The following GABRG2 variants were observed in gnomAD, a reference collection of about 807,000 sequenced individuals.
GABRG2 encodes the protein gamma-aminobutyric acid type A receptor subunit gamma2.
In GABRG2, 16 loss-of-function variants were observed where a neutral mutation model predicts 56.4. The ratio of observed to expected loss-of-function variants is 0.28; its 90% confidence interval spans 0.19 to 0.43. The LOEUF (loss-of-function observed/expected upper bound fraction) is 0.43, where lower values mean the gene tolerates loss of function less well. Ranked by LOEUF, GABRG2 falls within the 20% of genes least tolerant of loss-of-function variation. The probability of loss-of-function intolerance (pLI) is 1.00; values close to 1 mark genes in which losing one functional copy is unlikely to be tolerated. For synonymous variants in GABRG2, 208 were observed against 205.5 expected, an observed-to-expected ratio of 1.01 and a Z score of -0.10; for missense variants, 327 against 582.7, an observed-to-expected ratio of 0.56 and a Z score of 4.52.
At chr5:162,123,145 A>G (rs1051884057) in intron 6 of GABRG2, among the ~76,000 whole-genome samples, 10 of 151,792 alleles carry the variant, frequency 6.6e-5, no homozygotes, top group African/African-American at 2.2e-4. Flanking sequence ...TTAATATTCT[A>G]TAAAGAGTTA....
At chr5:162,127,069 C>T (rs914297465) in intron 6 of GABRG2, among the ~76,000 whole-genome samples, 1 of 151,876 alleles carries the variant, frequency 6.6e-6, no homozygotes, top group Non-Finnish European at 1.5e-5. Context: ...TCAACCGTGG[C>T]ACTCTTAAGG....
intron 1 of GABRG2, among the ~76,000 whole-genome samples, chr5:162,090,330 CA>C (rs1209900337): frequency 2.9e-5 from 3 of 102,588 alleles, no homozygotes; most frequent in African/African-American, 1.1e-4. Flanking sequence ...ACATACCATA[CA>C]CATACACATA....
At chr5:162,097,935 A>G (rs997921984) in intron 4 of GABRG2, 77 bp downstream of exon 4, 1 of 1,268,172 alleles carries the variant, frequency 7.9e-7, no homozygotes, top group African/African-American at 1.5e-5. Flanking sequence ...TAAGTCTCTA[A>G]AAGAAAAAAA....
chr5:162,101,114 C>T, intron 4 of GABRG2, 121 bp from the exon 5 acceptor site: 1 of 743,698 alleles, frequency 1.3e-6, no homozygotes, highest in Non-Finnish European at 2.3e-6. Flanking sequence ...TTGGGGATCA[C>T]TCTGTGTTTT....
At chr5:162,152,394 A>G (rs760550890) in intron 9 of GABRG2, 3 of 431,636 alleles carry the variant, frequency 7.0e-6, no homozygotes, top group African/African-American at 4.2e-5. Flanking sequence ...CATTAAATAT[A>G]TCATTTAGTT....
At chr5:162,084,923 C>A (rs758244034) in intron 1 of GABRG2, among the ~76,000 whole-genome samples, 4 of 151,556 alleles carry the variant, frequency 2.6e-5, no homozygotes, top group Non-Finnish European at 5.9e-5. Context: ...TCATTATAGT[C>A]CAATAACAAG....
intron 6 of GABRG2, among the ~76,000 whole-genome samples, chr5:162,123,791 T>G (rs1216655113): frequency 6.6e-6 from 1 of 151,872 alleles, no homozygotes; most frequent in African/African-American, 2.4e-5. Context: ...GGTCACATAG[T>G]GTGTAGCAAA....
intron 6 of GABRG2, 35 bp downstream of exon 6, chr5:162,104,061 T>A (rs908900996): frequency 2.5e-6 from 4 of 1,611,992 alleles, no homozygotes; most frequent in Non-Finnish European, 3.4e-6. Flanking sequence ...CAAGTGACCC[T>A]TCCAGAGTTG....
chr5:162,093,592 C>A (rs1167770908), intron 1 of GABRG2, among the ~76,000 whole-genome samples: 1 of 152,100 alleles, frequency 6.6e-6, no homozygotes, highest in Non-Finnish European at 1.5e-5. Flanking sequence ...AAATAACTGG[C>A]AAAACATGGT....
chr5:162,124,958 A>ATG (rs55993809), intron 6 of GABRG2, among the ~76,000 whole-genome samples: 22,000 of 143,832 alleles, frequency 0.15, 1,698 homozygotes, highest in Admixed American at 0.24. Context: ...GTATAAAGAG[A>ATG]TGTGTGTGTG....
intron 8 of GABRG2, 192 bp downstream of exon 8, chr5:162,149,505 A>G (rs147909955): frequency 3.8e-4 from 282 of 739,232 alleles, no homozygotes; most frequent in African/African-American, 3.5e-3. Context: ...GTCTGTTTCT[A>G]TTTTCTGTGT....
rs211030 is a variant in GABRG2 at position 162,103,729 on chromosome 5, C to T, written c.632-160C>T. 508,381 of 729,742 alleles carry T rather than the reference C, an allele frequency of 0.7. 177,744 individuals carry two copies. The highest frequency in any genetic ancestry group is 0.79 in the Admixed American group (32,213 of 40,946). 45.2% of individuals were successfully genotyped at this position (729,742 alleles called of 1,614,324 possible). A position where few individuals can be genotyped will look rare whatever the true frequency, so the allele number is the denominator to read the frequency against. ...TTCCCATTAGGATGCAAAGTCATTG[C>T]AATTTATGTTCTCATTGCAATGCCC... is the stretch of plus-strand genomic sequence containing the variant. On this transcript the variant is annotated intron_variant, in intron 5 of 9. Transcript: ENST00000639213.
At chr5:162,149,000 G>C in intron 7 of GABRG2, 108 bp from the exon 8 acceptor site, 3 of 944,340 alleles carry the variant, frequency 3.2e-6, no homozygotes, top group Non-Finnish European at 5.2e-6. Flanking sequence ...CTTTCCCATT[G>C]CTGAAACTGC....
chr5:162,117,453 A>G (rs555257779), intron 6 of GABRG2, among the ~76,000 whole-genome samples: 91 of 152,228 alleles, frequency 6.0e-4, no homozygotes, highest in East Asian at 2.1e-3. Context: ...GAAAAAAAAA[A>G]TCCTTAATGT....
chr5:162,153,146 T>C lies in GABRG2; in HGVS notation c.1206T>C (p.Ala402=), dbSNP rs1218042377. 2 of 1,613,930 alleles carry C rather than the reference T, an allele frequency of 1.2e-6. No homozygotes were observed. The highest frequency in any genetic ancestry group is 1.7e-6 in the Non-Finnish European group (2 of 1,179,974). The change falls in exon 10 of 10, where the codon GCT becomes GCC. Residue 402 remains alanine (A), a synonymous_variant. Coordinates refer to ENST00000639213, the MANE Select transcript of GABRG2 (RefSeq NM_198904.4). ...PRSATIQMNN[A]THLQERDEEY... is the part of the protein sequence containing the mutation. Reference sequence around the variant, plus strand: ...CAGCAACCATTCAAATGAATAATGCTACACACCTTCAAGAGAGAGATGAAG... The same window carrying C: ...CAGCAACCATTCAAATGAATAATGCCACACACCTTCAAGAGAGAGATGAAG...
chr5:162,102,395 C>T, intron 5 of GABRG2: 1 of 412,278 alleles, frequency 2.4e-6, no homozygotes, highest in South Asian at 1.8e-5. Context: ...GTTGATTTCT[C>T]TGCCATCAGG....
At chr5:162,140,809 C>T (rs200275954) in intron 6 of GABRG2, among the ~76,000 whole-genome samples, 1 of 152,038 alleles carries the variant, frequency 6.6e-6, no homozygotes, top group East Asian at 1.9e-4. Flanking sequence ...AATATATTTT[C>T]TGATTTTAAA....
intron 7 of GABRG2, chr5:162,142,582 A>T (rs1453689938): frequency 2.6e-6 from 1 of 378,268 alleles, no homozygotes; most frequent in Non-Finnish European, 5.1e-6. Flanking sequence ...AAAAATGATG[A>T]GTTCATGTCC....
intron 3 of GABRG2, among the ~76,000 whole-genome samples, chr5:162,097,021 C>T (rs1761047413): frequency 1.3e-5 from 2 of 152,086 alleles, no homozygotes; most frequent in African/African-American, 4.8e-5. Context: ...CTTTTCTATC[C>T]TAACACGGCC....
Sources: gnomAD v4.1 joint callset for allele counts (sites outside exome capture counted in the v4.1 genomes callset) on GRCh38, gnomAD v4.1.1 for gene constraint, MANE v1.5 for transcripts, NCBI Gene and HGNC (gene_info 2026-07-23, HGNC 2026-07-21) for gene names.